SPG21: variants seen among roughly 807,000 people sequenced by gnomAD.
The protein encoded by SPG21 is maspardin.
Under a neutral mutation model 38.9 loss-of-function variants are expected in SPG21, and 26 were observed. The ratio of observed to expected loss-of-function variants is 0.67; its 90% CI spans 0.49 to 0.93. SPG21 has a LOEUF of 0.93. SPG21 is among the 40% of genes least tolerant of loss of function. The probability of loss-of-function intolerance (pLI) is 0.00; values close to 1 mark genes in which losing one functional copy is unlikely to be tolerated. For missense variants in SPG21, 333 were observed against 376.5 expected (o/e 0.88, Z 0.96); for synonymous variants, 136 against 128.9 (o/e 1.05, Z -0.37).
At chr15:64,965,559 CATT>C in intron 7 of SPG21, 99 bp from the exon 8 acceptor site, 1 of 1,554,322 alleles carries the variant, frequency 6.4e-7, no homozygotes, top group Non-Finnish European at 8.8e-7. Flanking sequence ...GTTCTTTTCA[CATT>C]ATGGAAATGT....
At chr15:64,976,153 G>A (rs1040783025) in intron 4 of SPG21, among the ~76,000 whole-genome samples, 7 of 152,110 alleles carry the variant, frequency 4.6e-5, no homozygotes, top group South Asian at 2.1e-4. Context: ...GGCTCGGCAC[G>A]GTGGCTCACG....
At chr15:64,986,806 A>C (rs2086004810) in intron 1 of SPG21, among the ~76,000 whole-genome samples, 1 of 152,226 alleles carries the variant, frequency 6.6e-6, no homozygotes. Flanking sequence ...AGCAACTAGC[A>C]CATATACTTA....
At chr15:64,971,183 G>A (rs1020313620) in intron 5 of SPG21, among the ~76,000 whole-genome samples, 2 of 152,026 alleles carry the variant, frequency 1.3e-5, no homozygotes, top group East Asian at 1.9e-4. Context: ...TTGGCCTCCC[G>A]AGTAGCTGGG....
At chr15:64,965,844 G>A (rs1343004464) in intron 7 of SPG21, among the ~76,000 whole-genome samples, 1 of 151,954 alleles carries the variant, frequency 6.6e-6, no homozygotes, top group Non-Finnish European at 1.5e-5. Flanking sequence ...TGGGACTACA[G>A]GCATGCGCCA....
At chr15:64,980,726 A>C in intron 3 of SPG21, 138 bp downstream of exon 3, 1 of 1,030,442 alleles carries the variant, frequency 9.7e-7, no homozygotes, top group Non-Finnish European at 1.4e-6. Context: ...CGACAGAGTG[A>C]GAATCCATCT....
At chr15:64,969,499 C>A in intron 6 of SPG21, 137 bp from the exon 7 acceptor site, 2 of 691,386 alleles carry the variant, frequency 2.9e-6, no homozygotes, top group South Asian at 3.2e-5. Flanking sequence ...TGAGGAACCA[C>A]AACTTAGGTG....
At chr15:64,988,082 C>T (rs991233762) in intron 1 of SPG21, among the ~76,000 whole-genome samples, 1 of 151,814 alleles carries the variant, frequency 6.6e-6, no homozygotes, top group Non-Finnish European at 1.5e-5. Context: ...ATTAGCTGGG[C>T]GCGGTGATGG....
At chr15:64,978,223 G>C (rs1453911985) in intron 3 of SPG21, among the ~76,000 whole-genome samples, 1 of 151,672 alleles carries the variant, frequency 6.6e-6, no homozygotes, top group African/African-American at 2.4e-5. Flanking sequence ...CGAGGCGGGT[G>C]AATCACTTGA....
intron 4 of SPG21, 51 bp downstream of exon 4, chr15:64,976,424 C>CAA (rs754287965): frequency 2.1e-6 from 3 of 1,411,090 alleles, no homozygotes; most frequent in Non-Finnish European, 2.0e-6. Context: ...GACTTCATCT[C>CAA]AAAAAATAAA....
intron 5 of SPG21, among the ~76,000 whole-genome samples, chr15:64,970,488 G>A (rs1031861942): frequency 1.3e-5 from 2 of 152,102 alleles, no homozygotes; most frequent in African/African-American, 4.8e-5. Context: ...ACATTCTGAT[G>A]AGTCCAAGAT....
intron 8 of SPG21, among the ~76,000 whole-genome samples, chr15:64,964,734 G>T (rs1287146260): frequency 4.6e-5 from 7 of 152,010 alleles, no homozygotes; most frequent in Non-Finnish European, 1.0e-4. Context: ...GGATTCAAGT[G>T]ATTCTTCTGC....
In SPG21 at chr15:64,969,674, G is replaced by T. The variant is rs188959389; in HGVS notation, c.562-312C>A. Among the ~76,000 whole-genome samples the T allele has an allele frequency of 1.2e-3, 169 of 138,584 alleles. 1 individual carries two copies. The highest frequency in any genetic ancestry group is 4.4e-3 in the African/African-American group (165 of 37,924). 90.9% of individuals were successfully genotyped at this position (138,584 alleles called of 152,430 possible). A position where few individuals can be genotyped will look rare whatever the true frequency, so the allele number is the denominator to read the frequency against. On this transcript the variant is annotated intron_variant, in intron 6 of 8. Coordinates refer to ENST00000204566, the MANE Select transcript of SPG21 (RefSeq NM_016630.7). ...CAATTCCTACTGCTCAAAGGTGACA[G>T]ATATATGTTTTTGTTTTTTTTTTTT...
chr15:64,978,562 A>T (rs192596560), intron 3 of SPG21, among the ~76,000 whole-genome samples: 41 of 152,350 alleles, frequency 2.7e-4, no homozygotes, highest in Non-Finnish European at 4.4e-5. Flanking sequence ...GGATACTGCC[A>T]TATGAATTAT....
chr15:64,971,111 A>T (rs1351525101), intron 5 of SPG21, among the ~76,000 whole-genome samples: 2 of 152,120 alleles, frequency 1.3e-5, no homozygotes, highest in Admixed American at 1.3e-4. Flanking sequence ...CCCAGGCTGA[A>T]GTGCAGTATT....
At chr15:64,964,455 G>A (rs1310690231) in intron 8 of SPG21, among the ~76,000 whole-genome samples, 2 of 152,094 alleles carry the variant, frequency 1.3e-5, no homozygotes, top group African/African-American at 4.8e-5. Context: ...ACAGGATCAA[G>A]GGATATGACT....
In SPG21 at chr15:64,963,513, C is replaced by T. The variant is rs1460762992; in HGVS notation, c.*107G>A. The stretch of plus-strand genomic sequence containing the variant: ...TCCTACTTCCCAGACACAGTGAGAA[C>T]CGGTGAGCCTGACGAACCTGAAGGA... On this transcript the variant is annotated 3_prime_UTR_variant, in exon 9 of 9. Coordinates refer to ENST00000204566, the MANE Select transcript of SPG21 (RefSeq NM_016630.7). 1 of 850,634 alleles carries T rather than the reference C, an allele frequency of 1.2e-6. No individual in the cohort carries two copies. The highest frequency in any genetic ancestry group is 1.6e-5 in the African/African-American group (1 of 60,664). 52.7% of individuals were successfully genotyped at this position (850,634 alleles called of 1,614,324 possible). A position where few individuals can be genotyped will look rare whatever the true frequency, so the allele number is the denominator to read the frequency against.
At chr15:64,966,752 A>G (rs1300838979) in intron 7 of SPG21, among the ~76,000 whole-genome samples, 2 of 152,048 alleles carry the variant, frequency 1.3e-5, no homozygotes, top group Non-Finnish European at 2.9e-5. Flanking sequence ...ACAAAAAATT[A>G]GCTGGGCGTG....
At chr15:64,976,347 T>A in intron 4 of SPG21, 128 bp downstream of exon 4, 2 of 636,928 alleles carry the variant, frequency 3.1e-6, no homozygotes, top group South Asian at 3.4e-5. Flanking sequence ...ATCACTTGAA[T>A]CCGGGAGGTG....
chr15:64,987,661 T>C (rs1156436609), intron 1 of SPG21, among the ~76,000 whole-genome samples: 1 of 152,238 alleles, frequency 6.6e-6, no homozygotes, highest in South Asian at 2.1e-4. Context: ...TTAGCCTTAA[T>C]CTTGCCTAAG....
Sources: allele counts gnomAD v4.1 joint callset (sites outside exome capture counted in the v4.1 genomes callset), GRCh38; gene constraint gnomAD v4.1.1; transcripts MANE v1.5; gene names NCBI Gene and HGNC (gene_info 2026-07-23, HGNC 2026-07-21).